SBNO2: variants seen among roughly 807,000 people sequenced by gnomAD.
The protein encoded by SBNO2 is strawberry notch homolog 2.
Under a neutral mutation model 146.3 loss-of-function variants are expected in SBNO2, and 89 were observed. That is an observed-to-expected ratio of 0.61 (90% CI 0.51 to 0.73). The LOEUF is 0.73. Among genes scored for constraint, SBNO2 ranks in the 30% least tolerant of loss-of-function variants. The probability of loss-of-function intolerance (pLI) is 0.00; values close to 1 mark genes in which losing one functional copy is unlikely to be tolerated. For missense variants in SBNO2, 2,092 were observed against 2,003.7 expected (o/e 1.04, Z -0.84); for synonymous variants, 1,147 against 892.6 (o/e 1.29, Z -5.08).
intron 3 of SBNO2, among the ~76,000 whole-genome samples, chr19:1,147,740 A>T (rs2080207047): frequency 6.6e-6 from 1 of 151,964 alleles, no homozygotes; most frequent in Non-Finnish European, 1.5e-5. Flanking sequence ...CTAAGGGTTC[A>T]TTCTGGCGAT....
chr19:1,150,827 A>T lies in SBNO2; in HGVS notation c.94-1385T>A, dbSNP rs909433958. Among the ~76,000 whole-genome samples, 1 of 152,118 alleles carries T rather than the reference A, an allele frequency of 6.6e-6. No individual in the cohort carries two copies. The highest frequency in any genetic ancestry group is 2.4e-5 in the African/African-American group (1 of 41,422). On this transcript the variant is annotated intron_variant, in intron 2 of 31. Transcript: ENST00000361757. This position sits in a 1 kb window ranked among gnomAD's most constrained non-coding sequence, Gnocchi z 6.2. Reference sequence around the variant, plus strand: ...GCCGGGGGCCACTTTCTGTACCCGCAGGTGCTGGGTGGGGGATTCCAGGAC... The same window carrying T: ...GCCGGGGGCCACTTTCTGTACCCGCTGGTGCTGGGTGGGGGATTCCAGGAC...
At chr19:1,122,372 G>A (rs887936657) in intron 10 of SBNO2, 90 bp from the exon 11 acceptor site, 1 of 1,514,414 alleles carries the variant, frequency 6.6e-7, no homozygotes, top group Admixed American at 2.1e-5. Flanking sequence ...GCTGGGCAGA[G>A]CCTGCCCTGG....
intron 12 of SBNO2, 48 bp from the exon 13 acceptor site, chr19:1,119,669 G>A (rs770557940): frequency 6.1e-6 from 9 of 1,484,850 alleles, no homozygotes; most frequent in Non-Finnish European, 8.3e-6. Context: ...AGGGCCCAGA[G>A]GCCGCGTCAG....
Position 1,125,355 on chromosome 19 carries a change from T to A in SBNO2, c.442-1333A>T, listed in dbSNP as rs560746653. On this transcript the variant is annotated intron_variant, in intron 5 of 31. Coordinates refer to ENST00000361757, the MANE Select transcript of SBNO2 (RefSeq NM_014963.3). ...GCCTGGGTGACAGGGCGAGACTCCA[T>A]CTCAAAAAAAAAAAAAAAAAAAAAG... Among the ~76,000 whole-genome samples the A allele has an allele frequency of 1.2e-3, 121 of 98,126 alleles. 1 individual carries two copies. The highest frequency in any genetic ancestry group is 4.9e-3 in the African/African-American group (111 of 22,472). The allele number at this position is 98,126 out of a possible 152,430, so 64.4% of individuals were successfully genotyped here.
At chr19:1,170,721 C>A (rs546168610) in intron 1 of SBNO2, among the ~76,000 whole-genome samples, 1 of 152,070 alleles carries the variant, frequency 6.6e-6, no homozygotes, top group African/African-American at 2.4e-5. Context: ...CATGAGAACA[C>A]GCAGCACGCA....
At chr19:1,147,943 GC>G (rs1013084919) in intron 3 of SBNO2, among the ~76,000 whole-genome samples, 3 of 152,136 alleles carry the variant, frequency 2.0e-5, no homozygotes, top group African/African-American at 7.2e-5. Context: ...GGTCCTGGGG[GC>G]CCCCCGCCCA....
At chr19:1,133,365 G>C (rs908280564) in intron 4 of SBNO2, among the ~76,000 whole-genome samples, 1 of 152,098 alleles carries the variant, frequency 6.6e-6, no homozygotes, top group African/African-American at 2.4e-5. Context: ...CGGAGGGCTC[G>C]GGACAGTTCT....
intron 4 of SBNO2, among the ~76,000 whole-genome samples, chr19:1,131,568 T>C (rs1042519816): frequency 2.0e-5 from 3 of 152,110 alleles, no homozygotes; most frequent in Non-Finnish European, 4.4e-5. Context: ...CCAGGACCCA[T>C]GGGGAGCCAC....
chr19:1,131,544 C>T (rs1277129789), intron 4 of SBNO2, among the ~76,000 whole-genome samples: 1 of 152,194 alleles, frequency 6.6e-6, no homozygotes, highest in East Asian at 1.9e-4. Flanking sequence ...GATGTGCTGC[C>T]GCTGCCCTGT....
Position 1,108,421 on chromosome 19 carries a change from A to G in SBNO2, c.3900T>C (p.Pro1300=). The G allele has an allele frequency of 7.9e-7, 1 of 1,264,462 alleles. No homozygotes were observed. Among genetic ancestry groups the G allele is most frequent in the Non-Finnish European group, 1.0e-6 (1 of 999,582 alleles). 78.3% of individuals were successfully genotyped at this position (1,264,462 alleles called of 1,614,324 possible). A position where few individuals can be genotyped will look rare whatever the true frequency, so the allele number is the denominator to read the frequency against. Residue 1300 remains proline, a synonymous_variant, in exon 32 of 32, where the codon CCT becomes CCC. Coordinates refer to ENST00000361757, the MANE Select transcript of SBNO2 (RefSeq NM_014963.3). ...CGCAGCCCTGGTGCGCGAGGGCCGCAGGGTCGGCCTGGGCGTCGGGGGTGC... is the reference window on the plus strand; with the variant it reads ...CGCAGCCCTGGTGCGCGAGGGCCGCGGGGTCGGCCTGGGCGTCGGGGGTGC... The part of the protein sequence containing the change: ...PLGTPDAQAD[P]AALAHQGCDI...
Position 1,147,437 on chromosome 19 carries a change from G to GA in SBNO2, c.168-18_168-17insT. 7.7e-7 allele frequency: 1 copy of GA among 1,304,946 alleles called. No individual in the cohort carries two copies. The highest frequency in any genetic ancestry group is 1.0e-6 in the Non-Finnish European group (1 of 957,962). The allele number at this position is 1,304,946 out of a possible 1,614,324, so 80.8% of individuals were successfully genotyped here. On this transcript the variant is annotated splice_polypyrimidine_tract_variant and intron_variant, in intron 3 of 31. Coordinates refer to ENST00000361757, the MANE Select transcript of SBNO2 (RefSeq NM_014963.3). ...ATGAACGGGCTGGAGGGAGATGGGG[G>GA]GGGGGGAGGTGAGATGGGGTGCTCA...
rs2080202787 is a variant in SBNO2, at chr19:1,147,439, G to GGC, written c.168-20_168-19insGC. ...GAACGGGCTGGAGGGAGATGGGGGG[G>GGC]GGGGAGGTGAGATGGGGTGCTCAAC... On this transcript the variant is annotated intron_variant, in intron 3 of 31. Transcript: ENST00000361757. The GGC allele has an allele frequency of 6.3e-6, 8 of 1,265,174 alleles. No homozygotes were observed. Among genetic ancestry groups the GGC allele is most frequent in the South Asian group, 2.8e-5 (2 of 70,994 alleles). The allele number at this position is 1,265,174 out of a possible 1,614,324, so 78.4% of individuals were successfully genotyped here.
In SBNO2 at chr19:1,111,555, T is replaced by C; in HGVS notation, c.2760A>G (p.Lys920=). The C allele has an allele frequency of 3.8e-6, 6 of 1,597,714 alleles. No individual in the cohort carries two copies. The highest frequency in any genetic ancestry group is 5.1e-6 in the Non-Finnish European group (6 of 1,172,552). Residue 920 remains lysine, a synonymous_variant, in exon 24 of 32, where the codon AAA becomes AAG. Coordinates refer to ENST00000361757, the MANE Select transcript of SBNO2 (RefSeq NM_014963.3). Reference sequence around the variant, plus strand: ...CAGGGTATCCCTGGGGCACAGGCACTTTGTTCTCAGTCTGGCTCAGGATGG... The same window carrying C: ...CAGGGTATCCCTGGGGCACAGGCACCTTGTTCTCAGTCTGGCTCAGGATGG... ...LTTILSQTEN[K]VPVPQGYPGG...
chr19:1,135,918 A>T (rs932807076), intron 4 of SBNO2, among the ~76,000 whole-genome samples: 1 of 151,994 alleles, frequency 6.6e-6, no homozygotes, highest in Admixed American at 6.6e-5. Flanking sequence ...CCCCGTGCAG[A>T]GCTGAACTGT....
At position 1,112,195 on chromosome 19, in the gene SBNO2, C is replaced by G; in HGVS notation, c.2622G>C (p.Glu874Asp). 1 of 1,586,996 alleles carries G rather than the reference C, an allele frequency of 6.3e-7. No individual in the cohort carries two copies. Among genetic ancestry groups the G allele is most frequent in the Non-Finnish European group, 8.6e-7 (1 of 1,166,708 alleles). The change falls in exon 22 of 32, where the codon GAG (glutamate) becomes GAC (aspartate). Residue 874 changes from glutamate to aspartate, a missense_variant. Coordinates refer to ENST00000361757, the MANE Select transcript of SBNO2 (RefSeq NM_014963.3). The surrounding 1 kb of genome is among the most constrained non-coding windows in gnomAD (Gnocchi z 5.9). ...CCCACCCCCACCTGCTCACCAGACT[C>G]TCCAGGCGCTTGGCCACGATGGAGG... is the stretch of plus-strand genomic sequence containing the variant. ...RFASIVAKRL[E>D]SLGALTHGDR... is the part of the protein sequence containing the mutation.
At chr19:1,156,812 T>C (rs1270871783) in intron 1 of SBNO2, among the ~76,000 whole-genome samples, 1 of 149,510 alleles carries the variant, frequency 6.7e-6, no homozygotes, top group African/African-American at 2.4e-5. Context: ...CAGAAGGGGA[T>C]GCGTGGGTGC....
chr19:1,132,167 A>T (rs2080037076), intron 4 of SBNO2: 1 of 1,447,628 alleles, frequency 6.9e-7, no homozygotes, highest in Non-Finnish European at 9.1e-7. Flanking sequence ...GGGGTCCCCC[A>T]GGAAGCGCTG....
chr19:1,132,239 C>CG, intron 4 of SBNO2: 1 of 1,300,670 alleles, frequency 7.7e-7, no homozygotes, highest in South Asian at 2.1e-5. Flanking sequence ...CCGGGGCGGA[C>CG]GGGGGCGGCT....
rs367944352 is a variant in SBNO2 at position 1,120,020 on chromosome 19, C to T, written c.1153G>A (p.Val385Met). The change falls in exon 12 of 32, where the codon GTG (valine) becomes ATG (methionine). Residue 385 changes from valine to methionine, a missense_variant. By Grantham distance (21) the Val-to-Met change is conservative (BLOSUM62 1). Transcript: ENST00000361757. The part of the protein sequence containing the change: ...WCGEAFEGVI[V>M]FDECHKAKNA... The stretch of plus-strand genomic sequence containing the variant: ...TTGGCTTTGTGACACTCGTCGAACA[C>T]GATCTGAGGCACACGTGGGTTAAGG... 5.5e-5 allele frequency: 86 copies of T among 1,550,678 alleles called. No individual in the cohort carries two copies. Among genetic ancestry groups the T allele is most frequent in the East Asian group, 4.9e-5 (2 of 41,010 alleles).
Sources: allele counts gnomAD v4.1 joint callset (sites outside exome capture counted in the v4.1 genomes callset), GRCh38; gene constraint gnomAD v4.1.1; non-coding constraint Gnocchi (gnomAD v3.1); transcripts MANE v1.5; gene names NCBI Gene and HGNC (gene_info 2026-07-23, HGNC 2026-07-21).